GIT2: variants seen among roughly 807,000 people sequenced by gnomAD.
GIT2 encodes the protein ARF GTPase-activating protein GIT2.
In GIT2, 32 loss-of-function variants were observed where a neutral mutation model predicts 100.3. The observed-to-expected ratio is 0.32, with a 90% CI of 0.24 to 0.43. GIT2 has a LOEUF of 0.43. Ranked by LOEUF, GIT2 falls within the 20% of genes least tolerant of loss-of-function variation. The pLI, the probability that GIT2 is intolerant of heterozygous loss-of-function variation, is 1.00. For missense variants in GIT2, 737 were observed against 975.1 expected (o/e 0.76, Z 3.25); for synonymous variants, 353 against 364.1 (o/e 0.97, Z 0.35).
chr12:109,987,742 A>G (rs1887666536), intron 4 of GIT2, among the ~76,000 whole-genome samples: 1 of 152,204 alleles, frequency 6.6e-6, no homozygotes, highest in African/African-American at 2.4e-5. Context: ...TGCTGGGATT[A>G]CAGGAGTGAG....
Position 109,953,217 on chromosome 12 carries a change from G to A in GIT2, c.1117C>T (p.Leu373=). ...SGSKDNVELI[L]KTINNQHSVE... is the part of the protein sequence containing the mutation. ...CTGTGCTGGTTATTGATGGTTTTCA[G>A]TATGAGCTCCACATTGTCTATCAAT... Residue 373 remains leucine (L), a synonymous_variant, in exon 13 of 20, where the codon CTG becomes TTG. Transcript: ENST00000355312. The A allele has an allele frequency of 6.2e-7, 1 of 1,613,904 alleles. No homozygotes were observed. Among genetic ancestry groups the A allele is most frequent in the Non-Finnish European group, 8.5e-7 (1 of 1,179,788 alleles).
At chr12:109,949,350 G>A (rs1877215567) in intron 14 of GIT2, among the ~76,000 whole-genome samples, 1 of 152,214 alleles carries the variant, frequency 6.6e-6, no homozygotes, top group Admixed American at 6.5e-5. Flanking sequence ...TGTATAAAAA[G>A]CCTCTGTGGC....
At chr12:109,967,613 T>C in intron 7 of GIT2, 110 bp from the exon 8 acceptor site, 1 of 775,376 alleles carries the variant, frequency 1.3e-6, no homozygotes, top group Non-Finnish European at 2.3e-6. Flanking sequence ...TATTTGTGCA[T>C]AATGACGAGT....
intron 7 of GIT2, among the ~76,000 whole-genome samples, chr12:109,977,732 G>A (rs1885398709): frequency 6.6e-6 from 1 of 151,904 alleles, no homozygotes; most frequent in Non-Finnish European, 1.5e-5. Flanking sequence ...TGAGGCAAGA[G>A]AATCGCTTGA....
chr12:109,992,388 C>G (rs1282090663), intron 1 of GIT2, among the ~76,000 whole-genome samples: 1 of 151,988 alleles, frequency 6.6e-6, no homozygotes, highest in African/African-American at 2.4e-5. Flanking sequence ...CTCAGGTGAT[C>G]CGCCCACCTC....
chr12:109,980,043 C>A (rs76005971), intron 7 of GIT2, among the ~76,000 whole-genome samples: 2,387 of 152,240 alleles, frequency 0.016, 34 homozygotes, highest in South Asian at 0.052. Context: ...AATAATTGGG[C>A]GCGGCTTTCT....
intron 2 of GIT2, among the ~76,000 whole-genome samples, chr12:109,990,153 AT>A (rs770656646): frequency 3.9e-5 from 6 of 152,226 alleles, no homozygotes; most frequent in Non-Finnish European, 7.3e-5. Flanking sequence ...TTCACTTAAT[AT>A]TTGTCTTTAA....
chr12:109,992,011 G>A (rs1888488919), intron 1 of GIT2: 2 of 402,798 alleles, frequency 5.0e-6, no homozygotes, highest in South Asian at 5.0e-5. Context: ...CTGGTTCAGG[G>A]CCACAGTTTG....
chr12:109,999,771 A>G, upstream of GIT2: 1 of 1,530,640 alleles, frequency 6.5e-7, no homozygotes, highest in Non-Finnish European at 8.8e-7. This position sits in a 1 kb window ranked among gnomAD's most constrained non-coding sequence, Gnocchi z 4.3. Context: ...CTCGAGAAGG[A>G]GCTGCAGGGC....
rs188268855 is a variant in GIT2 at position 109,980,006 on chromosome 12, T to C, written c.718+946A>G. On this transcript the variant is annotated intron_variant, in intron 7 of 19. Coordinates refer to ENST00000355312, the MANE Select transcript of GIT2 (RefSeq NM_057169.5). ...AACCTATTCAACTCTGCTGTTGTTA[T>C]GTGAAAGCAGCCATACACAAGGTAT... 2.3e-3 allele frequency among the ~76,000 whole-genome samples: 344 copies of C among 152,376 alleles called. 2 individuals are homozygous for C. Among genetic ancestry groups the C allele is most frequent in the Middle Eastern group, 0.014 (4 of 294 alleles).
rs1242114305 is a variant in GIT2, at chr12:109,996,257, G to A, written c.-33C>T. On this transcript the variant is annotated 5_prime_UTR_variant, in exon 1 of 20. Coordinates refer to ENST00000355312, the MANE Select transcript of GIT2 (RefSeq NM_057169.5). ...ACCTCCCACCTGCGGGGAACTAGAGGCCGGGGGACAGCAAAGGCGGCGGTG... is the reference window on the plus strand; with the variant it reads ...ACCTCCCACCTGCGGGGAACTAGAGACCGGGGGACAGCAAAGGCGGCGGTG... The A allele has an allele frequency of 6.7e-7, 1 of 1,482,650 alleles. No individual in the cohort carries two copies. The highest frequency in any genetic ancestry group is 1.2e-5 in the South Asian group (1 of 80,494). 91.8% of individuals were successfully genotyped at this position (1,482,650 alleles called of 1,614,324 possible).
At chr12:109,950,302 T>C (rs147459379) in intron 14 of GIT2, among the ~76,000 whole-genome samples, 139 of 152,368 alleles carry the variant, frequency 9.1e-4, no homozygotes, top group African/African-American at 3.1e-3. Context: ...AAAACCTTAC[T>C]TCTCAAATGA....
chr12:109,985,699 A>G (rs1887237917), intron 4 of GIT2, among the ~76,000 whole-genome samples: 2 of 152,194 alleles, frequency 1.3e-5, no homozygotes, highest in South Asian at 4.1e-4. Context: ...AAAATACAAA[A>G]AAAATTAGCC....
In GIT2 at chr12:109,934,582, T is replaced by A. The variant is rs942957301; in HGVS notation, c.2004-497A>T. 1.2e-4 allele frequency among the ~76,000 whole-genome samples: 19 copies of A among 152,198 alleles called. No homozygotes were observed. The highest frequency in any genetic ancestry group is 7.9e-4 in the Admixed American group (12 of 15,280). Reference sequence around the variant, plus strand: ...ATTTTTTTGTAGAGGAGTCCCACTATGTCGCCCAGCCTTGTGTTGAACTCC... The same window carrying A: ...ATTTTTTTGTAGAGGAGTCCCACTAAGTCGCCCAGCCTTGTGTTGAACTCC... On this transcript the variant is annotated intron_variant, in intron 18 of 19. Coordinates refer to ENST00000355312, the MANE Select transcript of GIT2 (RefSeq NM_057169.5). This position sits in a 1 kb window ranked among gnomAD's most constrained non-coding sequence, Gnocchi z 4.5.
chr12:109,961,822 A>T, intron 9 of GIT2, 137 bp from the exon 10 acceptor site: 1 of 636,906 alleles, frequency 1.6e-6, no homozygotes, highest in South Asian at 1.8e-5. Context: ...ACTGTTAAAC[A>T]GACATAACAT....
chr12:109,931,893 A>C lies in GIT2; in HGVS notation c.*1085T>G, dbSNP rs1871697152. The C allele has an allele frequency of 6.6e-6, 1 of 152,210 alleles. No individual in the cohort carries two copies. The highest frequency in any genetic ancestry group is 2.1e-4 in the South Asian group (1 of 4,836). 9.4% of individuals were successfully genotyped at this position (152,210 alleles called of 1,614,324 possible). A position where few individuals can be genotyped will look rare whatever the true frequency, so the allele number is the denominator to read the frequency against. Reference sequence around the variant, plus strand: ...AGGAACTCTTGAAAGTTGATGTCTAATTTTTAAGTACTCATGAGGTGATGG... The same window carrying C: ...AGGAACTCTTGAAAGTTGATGTCTACTTTTTAAGTACTCATGAGGTGATGG... On this transcript the variant is annotated 3_prime_UTR_variant, in exon 20 of 20. Transcript: ENST00000355312.
rs778332430 is a variant in GIT2, at chr12:109,983,684, G to A, written c.416C>T (p.Ser139Leu). 1.9e-5 allele frequency: 31 copies of A among 1,611,068 alleles called. No homozygotes were observed. The highest frequency in any genetic ancestry group is 4.0e-5 in the African/African-American group (3 of 74,914). ...TTCAAGATTCCCTGTTCTCACGCTC[G>A]AATGGAGTTGCTGAAAAACGCAGAA... The part of the protein sequence containing the change: ...TAKDLSKQLH[S>L]SVRTGNLETC... The change falls in exon 5 of 20, where the codon TCG (serine) becomes TTG (leucine). Residue 139 changes from serine (S) to leucine (L), a missense_variant. Coordinates refer to ENST00000355312, the MANE Select transcript of GIT2 (RefSeq NM_057169.5).
rs376346335 is a variant in GIT2, at chr12:109,961,269, G to A, written c.987+9C>T. The stretch of plus-strand genomic sequence containing the variant: ...CAACTACTATTCCTTTCCAAACTGA[G>A]CCACTTGCCTGATTTCGTGTTGATG... On this transcript the variant is annotated intron_variant, in intron 11 of 19. Coordinates refer to ENST00000355312, the MANE Select transcript of GIT2 (RefSeq NM_057169.5). 5 of 1,514,522 alleles carry A rather than the reference G, an allele frequency of 3.3e-6. No homozygotes were observed. Among genetic ancestry groups the A allele is most frequent in the East Asian group, 2.3e-5 (1 of 44,418 alleles). The allele number at this position is 1,514,522 out of a possible 1,614,324, so 93.8% of individuals were successfully genotyped here.
chr12:109,935,059 T>G (rs573368470), intron 18 of GIT2, among the ~76,000 whole-genome samples: 64 of 150,624 alleles, frequency 4.2e-4, no homozygotes, highest in African/African-American at 1.5e-3. Context: ...GCCTAGGGGA[T>G]AAAAGCGAGA....
Sources: allele counts gnomAD v4.1 joint callset (sites outside exome capture counted in the v4.1 genomes callset), GRCh38; gene constraint gnomAD v4.1.1; non-coding constraint Gnocchi (gnomAD v3.1); transcripts MANE v1.5; gene names NCBI Gene and HGNC (gene_info 2026-07-23, HGNC 2026-07-21).